The following ZNF385D variants were observed in gnomAD, a reference collection of about 807,000 sequenced individuals.
ZNF385D encodes the protein zinc finger protein 659.
A neutral mutation model predicts 35.8 loss-of-function variants in ZNF385D; 15 were observed. That is an observed-to-expected ratio of 0.42 (90% confidence interval 0.28 to 0.64). The LOEUF is 0.64. Ranked by LOEUF, ZNF385D falls within the 30% of genes least tolerant of loss-of-function variation. ZNF385D has a pLI of 0.23. For synonymous variants in ZNF385D, 212 were observed against 186.8 expected (o/e 1.13, Z -1.10); for missense variants, 474 against 494.6 (o/e 0.96, Z 0.39).
intron 3 of ZNF385D, among the ~76,000 whole-genome samples, chr3:21,553,338 A>G (rs898943159): frequency 5.9e-5 from 9 of 152,224 alleles, no homozygotes; most frequent in African/African-American, 1.9e-4. Context: ...TCATTTTGCA[A>G]TGCATATAAA....
At chr3:22,348,485 T>TAAAAAAAAAAAAAAAAAAAAAAAAAA (rs1168729541) in intron 2 of ZNF385D, among the ~76,000 whole-genome samples, 5 of 84,874 alleles carry the variant, frequency 5.9e-5, no homozygotes, top group East Asian at 3.4e-4. Flanking sequence ...CCATCTCTAC[T>TAAAAAAAAAAAAAAAAAAAAAAAAAA]AAAAAAAAAA....
At chr3:21,716,766 G>A (rs1216129574) in intron 1 of ZNF385D, among the ~76,000 whole-genome samples, 2 of 152,054 alleles carry the variant, frequency 1.3e-5, no homozygotes, top group African/African-American at 4.8e-5. Context: ...AGTTCTATCA[G>A]GTTAGAATTT....
At chr3:21,724,498 A>ACCCC (rs1559554510) in intron 1 of ZNF385D, among the ~76,000 whole-genome samples, 3 of 98,610 alleles carry the variant, frequency 3.0e-5, no homozygotes, top group Non-Finnish European at 7.2e-5. Context: ...AAAAAAAAAA[A>ACCCC]AAAAAAAAAA....
At chr3:22,040,112 C>A (rs1263695327) in intron 3 of ZNF385D, among the ~76,000 whole-genome samples, 1 of 152,176 alleles carries the variant, frequency 6.6e-6, no homozygotes, top group Non-Finnish European at 1.5e-5. Flanking sequence ...GTTTCTGCAA[C>A]TGCTCCCTCC....
intron 3 of ZNF385D, among the ~76,000 whole-genome samples, chr3:21,531,889 CGTT>C (rs1559378277): frequency 1.3e-5 from 2 of 152,086 alleles, no homozygotes; most frequent in Non-Finnish European, 2.9e-5. Flanking sequence ...TAATTGCAGA[CGTT>C]GGTAATAATG....
At chr3:21,761,215 C>G (rs747111417) in intron 3 of ZNF385D, among the ~76,000 whole-genome samples, 1 of 152,094 alleles carries the variant, frequency 6.6e-6, no homozygotes, top group South Asian at 2.1e-4. Flanking sequence ...CAGCCATGAT[C>G]GATATTTTAG....
At chr3:22,264,867 G>A (rs1469499127) in intron 2 of ZNF385D, among the ~76,000 whole-genome samples, 1 of 67,942 alleles carries the variant, frequency 1.5e-5, no homozygotes, top group Non-Finnish European at 3.9e-5. Flanking sequence ...CTCCCTCTTA[G>A]TATAAGACAA....
chr3:22,027,127 G>T (rs1305353329), intron 3 of ZNF385D, among the ~76,000 whole-genome samples: 1 of 152,186 alleles, frequency 6.6e-6, no homozygotes, highest in African/African-American at 2.4e-5. Flanking sequence ...TACCTCAGGG[G>T]TGTATTAGCT....
At chr3:21,795,006 C>T (rs1175101908) in intron 3 of ZNF385D, among the ~76,000 whole-genome samples, 1 of 152,228 alleles carries the variant, frequency 6.6e-6, no homozygotes, top group South Asian at 2.1e-4. Flanking sequence ...CTAATACTCT[C>T]ATAGTCAGTG....
chr3:21,797,212 G>A (rs1286574692), intron 3 of ZNF385D, among the ~76,000 whole-genome samples: 2 of 152,106 alleles, frequency 1.3e-5, no homozygotes, highest in Non-Finnish European at 2.9e-5. Flanking sequence ...ACATACAAAT[G>A]ACAAATAAGC....
intron 1 of ZNF385D, among the ~76,000 whole-genome samples, chr3:21,685,947 G>A (rs887262335): frequency 2.6e-5 from 4 of 152,040 alleles, no homozygotes; most frequent in African/African-American, 9.7e-5. Context: ...TGGGTGAACC[G>A]GGAAAGAAGA....
chr3:21,515,064 C>A (rs1208377438), intron 3 of ZNF385D, among the ~76,000 whole-genome samples: 1 of 152,106 alleles, frequency 6.6e-6, no homozygotes, highest in East Asian at 1.9e-4. Context: ...TTTCAATCTT[C>A]AAATTTTATC....
chr3:21,649,342 C>T (rs1328346648), intron 2 of ZNF385D, among the ~76,000 whole-genome samples: 1 of 152,098 alleles, frequency 6.6e-6, no homozygotes, highest in Non-Finnish European at 1.5e-5. Flanking sequence ...TCTGAGATAA[C>T]ATGGACACAG....
At chr3:22,290,394 T>G (rs185532971) in intron 2 of ZNF385D, among the ~76,000 whole-genome samples, 175 of 152,262 alleles carry the variant, frequency 1.1e-3, no homozygotes, top group African/African-American at 3.9e-3. Flanking sequence ...AAGATAGTTC[T>G]CACTCCTCTC....
chr3:21,616,077 T>C (rs2064838263), intron 2 of ZNF385D, among the ~76,000 whole-genome samples: 1 of 152,124 alleles, frequency 6.6e-6, no homozygotes, highest in Admixed American at 6.6e-5. Context: ...TGAAATCTAT[T>C]AGAATTAAGA....
In ZNF385D at chr3:21,681,298, T is replaced by TAAAAAAAAAA. The variant is rs55872870; in HGVS notation, c.23-16280_23-16271dup. Among the ~76,000 whole-genome samples, 38 of 64,472 alleles carry TAAAAAAAAAA rather than the reference T, an allele frequency of 5.9e-4. 8 individuals are homozygous for TAAAAAAAAAA. Among genetic ancestry groups the TAAAAAAAAAA allele is most frequent in the African/African-American group, 1.3e-3 (24 of 17,840 alleles). 42.3% of individuals were successfully genotyped at this position (64,472 alleles called of 152,430 possible). ...AGCCTATGTGAATATATTCCATCAG[T>TAAAAAAAAAA]AAAAAAAAAAAAAAAAAAAAAAAAA... On this transcript the variant is annotated intron_variant, in intron 1 of 7. Transcript: ENST00000281523.
chr3:21,883,563 C>T (rs259556), intron 3 of ZNF385D, among the ~76,000 whole-genome samples: 82,068 of 151,824 alleles, frequency 0.54, 22,241 homozygotes, highest in South Asian at 0.71. Context: ...TGAATAAACA[C>T]ATACAATTTG....
intron 1 of ZNF385D, among the ~76,000 whole-genome samples, chr3:21,692,815 T>C (rs768029235): frequency 6.6e-6 from 1 of 152,198 alleles, no homozygotes; most frequent in Non-Finnish European, 1.5e-5. Context: ...GCCATCACAA[T>C]TCCCATGTGT....
At chr3:22,302,874 C>A (rs1702982221) in intron 2 of ZNF385D, among the ~76,000 whole-genome samples, 2 of 151,552 alleles carry the variant, frequency 1.3e-5, no homozygotes, top group Non-Finnish European at 2.9e-5. Flanking sequence ...TGTTTTATTT[C>A]TCTAGCTAAA....
Sources: gnomAD v4.1 joint callset for allele counts (sites outside exome capture counted in the v4.1 genomes callset) on GRCh38, gnomAD v4.1.1 for gene constraint, MANE v1.5 for transcripts, NCBI Gene and HGNC (gene_info 2026-07-23, HGNC 2026-07-21) for gene names.